The following PPP4R2 variants were observed in gnomAD, a reference collection of about 807,000 sequenced individuals.
PPP4R2 encodes the protein protein phosphatase 4 regulatory subunit 2.
In PPP4R2, 13 loss-of-function variants were observed where a neutral mutation model predicts 47.2. That is an observed-to-expected ratio of 0.28 (90% CI 0.18 to 0.44). PPP4R2 has a LOEUF of 0.44. PPP4R2 is among the 20% of genes least tolerant of loss of function. The probability of loss-of-function intolerance (pLI) is 1.00; values close to 1 mark genes in which losing one functional copy is unlikely to be tolerated. For synonymous variants in PPP4R2, 151 were observed against 163.3 expected (o/e 0.92, Z 0.57); for missense variants, 421 against 491.2 (o/e 0.86, Z 1.35).
rs4677229 is a variant in PPP4R2, at chr3:73,024,188, A to T, written c.117-22998A>T. On this transcript the variant is annotated intron_variant, in intron 2 of 8. Coordinates refer to ENST00000356692, the MANE Select transcript of PPP4R2 (RefSeq NM_174907.4). ...GTAGGAAAATCAGTGTTTGGGTCTG[A>T]TGCAGGAACATTTATATATTTTGAA... 4.7e-3 allele frequency among the ~76,000 whole-genome samples: 713 copies of T among 152,258 alleles called. 21 individuals carry two copies. Among genetic ancestry groups the T allele is most frequent in the Admixed American group, 0.032 (495 of 15,272 alleles).
Position 73,003,729 on chromosome 3 carries a change from T to C in PPP4R2, c.116+5571T>C, listed in dbSNP as rs189209110. Among the ~76,000 whole-genome samples the C allele has an allele frequency of 7.0e-3, 1,049 of 150,618 alleles. 10 individuals carry two copies. Among genetic ancestry groups the C allele is most frequent in the African/African-American group, 0.024 (986 of 41,036 alleles). On this transcript the variant is annotated intron_variant, in intron 2 of 8. Transcript: ENST00000356692. The stretch of plus-strand genomic sequence containing the variant: ...TTTGTTTTTTTTTGAGACAGAGTCT[T>C]GCTCTGTTGCCCAGGCTGGAGTGCA...
chr3:73,018,474 A>G (rs1468556097), intron 2 of PPP4R2, among the ~76,000 whole-genome samples: 1 of 101,834 alleles, frequency 9.8e-6, no homozygotes. Context: ...TAGTATCCGA[A>G]ACAGGGTCTT....
chr3:73,064,726 G>C, intron 7 of PPP4R2, 126 bp from the exon 8 acceptor site: 1 of 811,348 alleles, frequency 1.2e-6, no homozygotes, highest in Non-Finnish European at 2.0e-6. Context: ...GTTTTTCTTT[G>C]TTCAGGTGTT....
rs1335351973 is a variant in PPP4R2 at position 73,066,389 on chromosome 3, GAAATA to G, written c.*672_*676del. The G allele has an allele frequency of 1.3e-5, 2 of 151,674 alleles. No individual in the cohort carries two copies. The highest frequency in any genetic ancestry group is 4.8e-5 in the African/African-American group (2 of 41,322). The allele number at this position is 151,674 out of a possible 1,614,324, so 9.4% of individuals were successfully genotyped here. On this transcript the variant is annotated 3_prime_UTR_variant, in exon 9 of 9. Transcript: ENST00000356692. Reference sequence around the variant, plus strand: ...CATTTTCTTTCTCTTCTGAGTAATTGAAATAAAATCTGGCCCTTGTGAAACCCTGG... The same window carrying G: ...CATTTTCTTTCTCTTCTGAGTAATTGAAATCTGGCCCTTGTGAAACCCTGG...
chr3:73,017,035 C>T (rs964207349), intron 2 of PPP4R2, among the ~76,000 whole-genome samples: 1 of 151,960 alleles, frequency 6.6e-6, no homozygotes, highest in African/African-American at 2.4e-5. Context: ...TCATGTTGCC[C>T]AGGCTGGTCC....
At chr3:73,063,239 C>T in intron 5 of PPP4R2, 4 of 321,048 alleles carry the variant, frequency 1.2e-5, no homozygotes, top group South Asian at 1.1e-4. Flanking sequence ...ATGGCATCTA[C>T]CCCGTAAGAT....
intron 2 of PPP4R2, among the ~76,000 whole-genome samples, chr3:73,045,416 G>C (rs1702461562): frequency 6.6e-6 from 1 of 151,798 alleles, no homozygotes; most frequent in Admixed American, 6.6e-5. Flanking sequence ...TTAGTTTTTT[G>C]CTTAGAAGTT....
At chr3:73,062,774 A>C (rs754168109) in intron 5 of PPP4R2, 2 of 1,613,900 alleles carry the variant, frequency 1.2e-6, no homozygotes, top group African/African-American at 2.7e-5. Context: ...CTGATCTGCT[A>C]ATCAGCTGCA....
intron 5 of PPP4R2, chr3:73,062,768 T>G (rs1462354053): frequency 7.4e-6 from 12 of 1,613,842 alleles, no homozygotes; most frequent in South Asian, 1.1e-5. Flanking sequence ...AGAGTGCTGA[T>G]CTGCTAATCA....
chr3:73,061,734 T>G (rs1575890114), intron 5 of PPP4R2: 1 of 222,438 alleles, frequency 4.5e-6, no homozygotes, highest in Non-Finnish European at 8.8e-6. Context: ...TTTCATAGAC[T>G]ACTCTGTTAC....
rs62637693 is a variant in PPP4R2 at position 73,065,115 on chromosome 3, A to T, written c.902A>T (p.Glu301Val). The T allele has an allele frequency of 1.8e-4, 287 of 1,610,276 alleles. 1 individual carries two copies. The African/African-American group carries it at 3.4e-3, about 19-fold the overall frequency. Reference sequence around the variant, plus strand: ...CGGCAGCACTGTACAGAAGAGGATGAAGAAGAGGATGAAGAGGAAGAAGAA... The same window carrying T: ...CGGCAGCACTGTACAGAAGAGGATGTAGAAGAGGATGAAGAGGAAGAAGAA... Reference protein sequence around the residue: ...CTRQHCTEEDEEEDEEEEEES... With the variant: ...CTRQHCTEEDVEEDEEEEEES... Residue 301 changes from glutamate to valine, a missense_variant, in exon 8 of 9, where the codon GAA becomes GTA. Glu to Val is a moderately radical substitution (Grantham distance 121). Around this residue, in one of 2 missense-constraint regions of PPP4R2, gnomAD observed 317 missense variants for 287.5 expected, o/e 1.10. Transcript: ENST00000356692.
At chr3:73,037,821 C>T (rs1702296099) in intron 2 of PPP4R2, among the ~76,000 whole-genome samples, 2 of 152,180 alleles carry the variant, frequency 1.3e-5, no homozygotes, top group Non-Finnish European at 2.9e-5. Flanking sequence ...TCACTGAAAT[C>T]TCGGCAATTA....
chr3:73,039,690 G>T (rs1424649476), intron 2 of PPP4R2, among the ~76,000 whole-genome samples: 1 of 152,156 alleles, frequency 6.6e-6, no homozygotes, highest in African/African-American at 2.4e-5. Context: ...GTAGAGGCCA[G>T]GGATGTAGCT....
intron 2 of PPP4R2, chr3:73,016,164 C>T (rs1701827460): frequency 6.6e-6 from 1 of 152,176 alleles, no homozygotes; most frequent in Non-Finnish European, 1.5e-5. Context: ...CTAATAATAA[C>T]CCTTGACAAT....
intron 2 of PPP4R2, among the ~76,000 whole-genome samples, chr3:73,012,097 A>G (rs1701737166): frequency 6.6e-6 from 1 of 152,220 alleles, no homozygotes; most frequent in Admixed American, 6.5e-5. Context: ...TCCTTTGGAC[A>G]TAAAATCTGT....
chr3:73,019,198 A>T (rs555426147), intron 2 of PPP4R2, among the ~76,000 whole-genome samples: 2 of 152,292 alleles, frequency 1.3e-5, no homozygotes, highest in Admixed American at 1.3e-4. Flanking sequence ...TATACCATAT[A>T]GTCTAGGTGT....
intron 2 of PPP4R2, among the ~76,000 whole-genome samples, chr3:72,999,406 C>G (rs996256555): frequency 1.3e-5 from 2 of 152,162 alleles, no homozygotes; most frequent in African/African-American, 4.8e-5. Context: ...AACATAAATG[C>G]TTAGACTGCC....
chr3:73,033,267 A>T (rs1269960205), intron 2 of PPP4R2, among the ~76,000 whole-genome samples: 2 of 152,134 alleles, frequency 1.3e-5, no homozygotes, highest in South Asian at 2.1e-4. Context: ...ATTTTGAAGG[A>T]ATTTTTTCAT....
intron 2 of PPP4R2, among the ~76,000 whole-genome samples, chr3:73,021,880 G>GTGTGTGTA (rs1370167478): frequency 2.3e-3 from 308 of 135,364 alleles, no homozygotes; most frequent in African/African-American, 8.0e-3. Flanking sequence ...GTGTGTGTGT[G>GTGTGTGTA]TATATATGCA....
Sources: gnomAD v4.1 joint callset for allele counts (sites outside exome capture counted in the v4.1 genomes callset) on GRCh38, gnomAD v4.1.1 for gene constraint, gnomAD v4.1.1 regional missense constraint, MANE v1.5 for transcripts, NCBI Gene and HGNC (gene_info 2026-07-23, HGNC 2026-07-21) for gene names.